The following GREB1L variants were observed in gnomAD, a reference collection of about 807,000 sequenced individuals.
GREB1L encodes GREB1 like retinoic acid receptor coactivator, also known as GREB1-like protein.
GREB1L carries 17 observed loss-of-function variants against 200.8 expected under a neutral mutation model. The observed-to-expected ratio is 0.08, with a 90% CI of 0.06 to 0.13. GREB1L has a LOEUF of 0.13. GREB1L is among the 10% of genes least tolerant of loss of function. The pLI is 1.00. For synonymous variants in GREB1L, 789 were observed against 893.0 expected, an observed-to-expected ratio of 0.88 and a Z score of 2.08; for missense variants, 1,657 against 2,367.7, an observed-to-expected ratio of 0.70 and a Z score of 6.23.
chr18:21,365,953 T>C (rs2039667900), intron 1 of GREB1L, 74 bp from the exon 2 acceptor site: 1 of 152,026 alleles, frequency 6.6e-6, no homozygotes, highest in Non-Finnish European at 1.5e-5. Flanking sequence ...TTTAGATTAT[T>C]ATATTATAGA....
intron 1 of GREB1L, among the ~76,000 whole-genome samples, 186 bp downstream of exon 1, chr18:21,242,579 G>T (rs1433735096): frequency 5.9e-5 from 9 of 152,152 alleles, no homozygotes; most frequent in South Asian, 2.1e-4. Flanking sequence ...AGCGGAGCGC[G>T]TGCGGGTGGC....
At chr18:21,361,612 T>C (rs1041882478) in intron 1 of GREB1L, among the ~76,000 whole-genome samples, 2 of 152,172 alleles carry the variant, frequency 1.3e-5, no homozygotes, top group African/African-American at 4.8e-5. Flanking sequence ...GACAGGGTTT[T>C]GAAGTGCAAA....
rs368558016 is a variant in GREB1L, at chr18:21,514,675, A to G, written c.4901+689A>G. On this transcript the variant is annotated intron_variant, in intron 28 of 32. Transcript: ENST00000424526. ...TGGTGTTGAACTCCTGGGCTCAAGCAGTCCTCCTGCCTTGGCCTCCCAAAG... is the reference window on the plus strand; with the variant it reads ...TGGTGTTGAACTCCTGGGCTCAAGCGGTCCTCCTGCCTTGGCCTCCCAAAG... 1.3e-4 allele frequency among the ~76,000 whole-genome samples: 20 copies of G among 152,314 alleles called. No homozygotes were observed. In the East Asian group the frequency reaches 2.3e-3, roughly 18 times the overall value.
chr18:21,363,932 G>A (rs1430465211), intron 1 of GREB1L: 1 of 152,082 alleles, frequency 6.6e-6, no homozygotes, highest in Non-Finnish European at 1.5e-5. Flanking sequence ...TAAAGTATTG[G>A]GAAATAATCA....
In GREB1L at chr18:21,464,510, C is replaced by G. The variant is rs1349734889; in HGVS notation, c.2183-8521C>G. Reference sequence around the variant, plus strand: ...AGTGAGCCGAGATCGCGCCACTGCACTCTAGCCTGGGGACAGAGAGAGACA... The same window carrying G: ...AGTGAGCCGAGATCGCGCCACTGCAGTCTAGCCTGGGGACAGAGAGAGACA... On this transcript the variant is annotated intron_variant, in intron 15 of 32. Coordinates refer to ENST00000424526, the MANE Select transcript of GREB1L (RefSeq NM_001142966.3). Among the ~76,000 whole-genome samples, 3 of 142,598 alleles carry G rather than the reference C, an allele frequency of 2.1e-5. No homozygotes were observed. The Admixed American group carries it at 2.2e-4, about 10-fold the overall frequency. 93.5% of individuals were successfully genotyped at this position (142,598 alleles called of 152,430 possible). A position where few individuals can be genotyped will look rare whatever the true frequency, so the allele number is the denominator to read the frequency against.
At chr18:21,500,339 G>A in intron 22 of GREB1L, 33 bp downstream of exon 22, 1 of 964,876 alleles carries the variant, frequency 1.0e-6, no homozygotes, top group African/African-American at 1.6e-5. Context: ...CGTTTCTTAG[G>A]CTGGGGTTGG....
intron 26 of GREB1L, 31 bp downstream of exon 26, chr18:21,508,310 C>T (rs1254446381): frequency 2.6e-6 from 4 of 1,551,246 alleles, no homozygotes; most frequent in Non-Finnish European, 3.5e-6. Flanking sequence ...TGGCAGGCAC[C>T]AGACCTAGTT....
chr18:21,306,735 C>T (rs940263867), intron 1 of GREB1L, among the ~76,000 whole-genome samples: 2 of 152,186 alleles, frequency 1.3e-5, no homozygotes, highest in African/African-American at 4.8e-5. Flanking sequence ...AATTAATGAA[C>T]ATGTAGATAA....
At chr18:21,504,878 C>T (rs894497677) in intron 23 of GREB1L, among the ~76,000 whole-genome samples, 1 of 152,088 alleles carries the variant, frequency 6.6e-6, no homozygotes, top group South Asian at 2.1e-4. Flanking sequence ...GGCTCTCAAC[C>T]GTGACTGCAT....
At position 21,499,734 on chromosome 18, in the gene GREB1L, A is replaced by G; in HGVS notation, c.3397A>G (p.Ile1133Val). 1.9e-6 allele frequency: 3 copies of G among 1,550,698 alleles called. No individual in the cohort carries two copies. The highest frequency in any genetic ancestry group is 1.4e-5 in the African/African-American group (1 of 73,162). The change falls in exon 22 of 33, where the codon ATC becomes GTC. Residue 1133 changes from isoleucine to valine, a missense_variant. This residue lies in a region of GREB1L where 512 missense variants were observed against 668.3 expected (regional missense o/e 0.77). Transcript: ENST00000424526. ...SSAVTGTSGS[I>V]MENGVSSSST... The stretch of plus-strand genomic sequence containing the variant: ...TTCTGTCTGTTCTCTCACAGGTTCC[A>G]TCATGGAGAATGGAGTGAGCTCTTC...
chr18:21,509,112 T>C (rs1299106610), intron 27 of GREB1L, among the ~76,000 whole-genome samples: 4 of 152,234 alleles, frequency 2.6e-5, no homozygotes, highest in African/African-American at 9.6e-5. Context: ...GCTTTCCTCC[T>C]GGAGTTTAAG....
intron 17 of GREB1L, among the ~76,000 whole-genome samples, chr18:21,478,741 G>A (rs1274339983): frequency 6.6e-6 from 1 of 152,218 alleles, no homozygotes; most frequent in Non-Finnish European, 1.5e-5. Context: ...GGCAGTTGAG[G>A]TAGGGGTGAG....
chr18:21,243,279 G>C (rs1400733376), intron 1 of GREB1L, among the ~76,000 whole-genome samples: 1 of 152,094 alleles, frequency 6.6e-6, no homozygotes, highest in African/African-American at 2.4e-5. Flanking sequence ...TGAGTCCAAG[G>C]AACGTCCCCG....
At chr18:21,272,722 G>A (rs1417367326) in intron 1 of GREB1L, among the ~76,000 whole-genome samples, 1 of 152,086 alleles carries the variant, frequency 6.6e-6, no homozygotes, top group Admixed American at 6.5e-5. Flanking sequence ...CATCTCACTT[G>A]GCTCAAAACT....
intron 4 of GREB1L, among the ~76,000 whole-genome samples, chr18:21,391,673 G>A (rs560702021): frequency 1.3e-5 from 2 of 152,126 alleles, no homozygotes; most frequent in African/African-American, 2.4e-5. Context: ...TTCCTCAATC[G>A]TTGACTCACA....
chr18:21,336,416 T>C (rs1233410732), intron 1 of GREB1L, among the ~76,000 whole-genome samples: 5 of 152,148 alleles, frequency 3.3e-5, no homozygotes, highest in Non-Finnish European at 7.4e-5. Flanking sequence ...GCTGCCATAG[T>C]GAGAGACCCT....
chr18:21,308,128 A>T (rs2038731623), intron 1 of GREB1L, among the ~76,000 whole-genome samples: 1 of 152,222 alleles, frequency 6.6e-6, no homozygotes, highest in African/African-American at 2.4e-5. Context: ...ACTATTTTTG[A>T]CTAAGTACCT....
chr18:21,447,932 A>G (rs2034312666), intron 11 of GREB1L, among the ~76,000 whole-genome samples: 1 of 152,058 alleles, frequency 6.6e-6, no homozygotes, highest in African/African-American at 2.4e-5. Context: ...GGGAGGCTGA[A>G]TAGGGTGGAT....
At position 21,384,079 on chromosome 18, in the gene GREB1L, T is replaced by C. The variant is rs528369838; in HGVS notation, c.158-127T>C. ...AGTGGGGATTCCAAATCTTGGGACC[T>C]CTGAGATAAATTGGCTAAATGTTAG... On this transcript the variant is annotated intron_variant, in intron 3 of 32. Transcript: ENST00000424526. 61 of 713,782 alleles carry C rather than the reference T, an allele frequency of 8.5e-5. No individual in the cohort carries two copies. The East Asian group carries it at 1.3e-3, about 15-fold the overall frequency. 44.2% of individuals were successfully genotyped at this position (713,782 alleles called of 1,614,324 possible). A position where few individuals can be genotyped will look rare whatever the true frequency, so the allele number is the denominator to read the frequency against.
Sources: allele counts gnomAD v4.1 joint callset (sites outside exome capture counted in the v4.1 genomes callset), GRCh38; gene constraint gnomAD v4.1.1; regional missense constraint gnomAD v4.1.1; transcripts MANE v1.5; gene names NCBI Gene and HGNC (gene_info 2026-07-23, HGNC 2026-07-21).